The following SNTG1 variants were observed in gnomAD, a reference collection of about 807,000 sequenced individuals.
SNTG1 encodes the protein syntrophin gamma 1, also known as gamma-1-syntrophin.
Under a neutral mutation model 74.7 loss-of-function variants are expected in SNTG1, and 39 were observed. The observed-to-expected ratio is 0.52, with a 90% CI of 0.40 to 0.68. The LOEUF (loss-of-function observed/expected upper bound fraction) is 0.68. Ranked by LOEUF, SNTG1 falls within the 30% of genes least tolerant of loss-of-function variation. The pLI is 0.00. For synonymous variants in SNTG1, 254 were observed against 217.1 expected (o/e 1.17, Z -1.49); for missense variants, 685 against 609.5 (o/e 1.12, Z -1.30).
chr8:50,612,112 A>G (rs753587331), intron 13 of SNTG1, among the ~76,000 whole-genome samples: 1 of 152,236 alleles, frequency 6.6e-6, no homozygotes, highest in Non-Finnish European at 1.5e-5. Flanking sequence ...ATGTGAGAGC[A>G]TAATGTTCAT....
At chr8:50,083,221 T>G (rs1167657524) in intron 1 of SNTG1, among the ~76,000 whole-genome samples, 1 of 152,204 alleles carries the variant, frequency 6.6e-6, no homozygotes, top group African/African-American at 2.4e-5. Context: ...TGACTTTTGT[T>G]AAATCCCAGA....
intron 2 of SNTG1, among the ~76,000 whole-genome samples, chr8:50,242,686 A>G (rs1188236493): frequency 6.6e-6 from 1 of 151,156 alleles, no homozygotes; most frequent in Non-Finnish European, 1.5e-5. Flanking sequence ...TCTTTCCATT[A>G]ATTTGTTTGT....
chr8:50,289,609 T>C (rs1349745757), intron 2 of SNTG1, among the ~76,000 whole-genome samples: 1 of 152,206 alleles, frequency 6.6e-6, no homozygotes, highest in Non-Finnish European at 1.5e-5. Context: ...TCCACAAATG[T>C]AGAAGCTAGA....
chr8:49,924,569 C>G (rs2129347430), intron 1 of SNTG1, among the ~76,000 whole-genome samples: 1 of 152,282 alleles, frequency 6.6e-6, no homozygotes, highest in Admixed American at 6.5e-5. Flanking sequence ...TGGAAATGTA[C>G]TCACAGATGA....
At chr8:50,645,769 AT>A (rs2095105133) in intron 13 of SNTG1, among the ~76,000 whole-genome samples, 1 of 151,992 alleles carries the variant, frequency 6.6e-6, no homozygotes, top group African/African-American at 2.4e-5. Context: ...CCTGTGTTAT[AT>A]TTTGCCTCAT....
chr8:50,148,699 C>T (rs1366836568), intron 1 of SNTG1, among the ~76,000 whole-genome samples: 1 of 152,152 alleles, frequency 6.6e-6, no homozygotes, highest in Non-Finnish European at 1.5e-5. Context: ...TGGTTTGCAG[C>T]TTCATCCATG....
intron 17 of SNTG1, among the ~76,000 whole-genome samples, chr8:50,720,817 A>G (rs1406242787): frequency 6.6e-6 from 1 of 152,208 alleles, no homozygotes; most frequent in East Asian, 1.9e-4. Flanking sequence ...AACATGTTCT[A>G]TAGAATAAGT....
intron 2 of SNTG1, among the ~76,000 whole-genome samples, chr8:50,275,494 C>A (rs1184512521): frequency 6.6e-6 from 1 of 152,066 alleles, no homozygotes; most frequent in Non-Finnish European, 1.5e-5. Flanking sequence ...GTTTGCAATA[C>A]GCATTTACAG....
chr8:50,507,499 C>G (rs1409022073), intron 9 of SNTG1, among the ~76,000 whole-genome samples: 1 of 151,956 alleles, frequency 6.6e-6, no homozygotes, highest in Non-Finnish European at 1.5e-5. Context: ...ATTCAATTTC[C>G]TTACTAGTTC....
At chr8:50,299,496 A>G (rs2089547169) in intron 2 of SNTG1, among the ~76,000 whole-genome samples, 1 of 152,174 alleles carries the variant, frequency 6.6e-6, no homozygotes, top group Admixed American at 6.6e-5. Context: ...ACAAAGAGAC[A>G]TCATAGGGTA....
chr8:50,173,691 G>C (rs1264535642), intron 2 of SNTG1, among the ~76,000 whole-genome samples: 1 of 152,136 alleles, frequency 6.6e-6, no homozygotes, highest in South Asian at 2.1e-4. Flanking sequence ...AAGTTGTCCT[G>C]TTTGCTACCT....
chr8:50,354,883 A>G (rs1314238474), intron 2 of SNTG1, among the ~76,000 whole-genome samples: 3 of 152,206 alleles, frequency 2.0e-5, no homozygotes. Context: ...AAGGTGAAAT[A>G]GGCATACAGA....
At chr8:50,091,822 T>A (rs1159487679) in intron 1 of SNTG1, among the ~76,000 whole-genome samples, 1 of 152,024 alleles carries the variant, frequency 6.6e-6, no homozygotes, top group Non-Finnish European at 1.5e-5. Flanking sequence ...TTTTTAAATT[T>A]AATTTTTTTT....
chr8:50,604,031 C>A (rs1180413747), intron 13 of SNTG1, among the ~76,000 whole-genome samples: 2 of 152,152 alleles, frequency 1.3e-5, no homozygotes, highest in Non-Finnish European at 2.9e-5. Context: ...AGGAAGCCAG[C>A]AAGGGTAATG....
intron 18 of SNTG1, among the ~76,000 whole-genome samples, chr8:50,764,293 G>T (rs193227148): frequency 3.3e-5 from 5 of 151,806 alleles, no homozygotes; most frequent in Admixed American, 1.3e-4. Context: ...AAACTCTAAA[G>T]CTTCCTCACA....
chr8:50,467,769 A>G (rs1253884570), intron 8 of SNTG1, among the ~76,000 whole-genome samples: 2 of 151,852 alleles, frequency 1.3e-5, no homozygotes, highest in Non-Finnish European at 2.9e-5. Context: ...ACATGCATTC[A>G]ATGGTTTAAA....
At chr8:50,583,559 T>A (rs895803915) in intron 12 of SNTG1, among the ~76,000 whole-genome samples, 2 of 152,100 alleles carry the variant, frequency 1.3e-5, no homozygotes, top group African/African-American at 2.4e-5. Flanking sequence ...AGGAAGGATA[T>A]TCACAATACA....
chr8:50,382,216 A>C (rs2092499438), intron 2 of SNTG1: 1 of 152,038 alleles, frequency 6.6e-6, no homozygotes, highest in South Asian at 2.1e-4. Flanking sequence ...CAATCCAATA[A>C]AGTTGATACT....
chr8:50,059,291 T>C (rs1820281893), intron 1 of SNTG1, among the ~76,000 whole-genome samples: 1 of 152,120 alleles, frequency 6.6e-6, no homozygotes, highest in African/African-American at 2.4e-5. Context: ...TGCATAGCAG[T>C]TGCATGTTTA....
Sources: allele counts gnomAD v4.1 joint callset (sites outside exome capture counted in the v4.1 genomes callset), GRCh38; gene constraint gnomAD v4.1.1; transcripts MANE v1.5; gene names NCBI Gene and HGNC (gene_info 2026-07-23, HGNC 2026-07-21).